Variants in SORBS2 observed in about 807,000 individuals in gnomAD.
SORBS2 encodes the protein sorbin and SH3 domain containing 2.
Under a neutral mutation model 97.7 loss-of-function variants are expected in SORBS2, and 46 were observed. That is an observed-to-expected ratio of 0.47 (90% CI 0.37 to 0.60). SORBS2 has a LOEUF of 0.60. Ranked by LOEUF, SORBS2 falls within the 20% of genes least tolerant of loss-of-function variation. The probability of loss-of-function intolerance (pLI) is 0.00; values close to 1 mark genes in which losing one functional copy is unlikely to be tolerated. For synonymous variants in SORBS2, 476 were observed against 473.4 expected (o/e 1.01, Z -0.07); for missense variants, 1,316 against 1,282.3 (o/e 1.03, Z -0.40).
Position 185,742,081 on chromosome 4 carries a change from T to C in SORBS2, c.-198+33146A>G, listed in dbSNP as rs537527684. Among the ~76,000 whole-genome samples the C allele has an allele frequency of 2.6e-5, 4 of 152,334 alleles. No homozygotes were observed. The East Asian group carries it at 7.7e-4, about 29-fold the overall frequency. On this transcript the variant is annotated intron_variant, in intron 2 of 20. Coordinates refer to the SORBS2 transcript ENST00000284776. Reference sequence around the variant, plus strand: ...CATTATTTCTGATTGGACTTGTCTCTCTGGCTTGTTTTCTCTGCTAATTCT... The same window carrying C: ...CATTATTTCTGATTGGACTTGTCTCCCTGGCTTGTTTTCTCTGCTAATTCT...
At chr4:185,589,467 C>T (rs953307739) in intron 14 of SORBS2, among the ~76,000 whole-genome samples, 1 of 152,162 alleles carries the variant, frequency 6.6e-6, no homozygotes, top group South Asian at 2.1e-4. Flanking sequence ...GGAAATAAAG[C>T]TCGCAGAAAA....
chr4:185,778,338 T>TC (rs1409069336), intron 1 of SORBS2, among the ~76,000 whole-genome samples: 2 of 152,076 alleles, frequency 1.3e-5, no homozygotes, highest in Non-Finnish European at 2.9e-5. Flanking sequence ...CCTAACAAAT[T>TC]CCCGGGTGAT....
At chr4:185,842,404 A>G (rs1404580538) in intron 1 of SORBS2, among the ~76,000 whole-genome samples, 1 of 152,210 alleles carries the variant, frequency 6.6e-6, no homozygotes, top group South Asian at 2.1e-4. Flanking sequence ...AGAGTTAACT[A>G]AAAGTCAGAG....
chr4:185,609,075 C>T (rs933261269), intron 12 of SORBS2, among the ~76,000 whole-genome samples: 1 of 151,668 alleles, frequency 6.6e-6, no homozygotes, highest in African/African-American at 2.4e-5. Context: ...ATACAGGATT[C>T]AGGACCTGGG....
At chr4:185,712,636 G>C (rs1452625600) in intron 2 of SORBS2, among the ~76,000 whole-genome samples, 1 of 152,218 alleles carries the variant, frequency 6.6e-6, no homozygotes, top group East Asian at 1.9e-4. Flanking sequence ...ACGCCCTCTG[G>C]GGCTTTGGGA....
At chr4:185,726,897 T>G (rs1287845784) in intron 2 of SORBS2, among the ~76,000 whole-genome samples, 2 of 152,188 alleles carry the variant, frequency 1.3e-5, no homozygotes, top group Non-Finnish European at 2.9e-5. Flanking sequence ...GGCATGCATC[T>G]TTAAATAGGA....
intron 2 of SORBS2, among the ~76,000 whole-genome samples, chr4:185,770,152 C>G (rs954830722): frequency 1.0e-3 from 158 of 151,488 alleles, no homozygotes; most frequent in African/African-American, 3.6e-3. Flanking sequence ...GATCTCGGCT[C>G]ACTGCAACCT....
intron 1 of SORBS2, among the ~76,000 whole-genome samples, chr4:185,889,141 A>G (rs1043862270): frequency 6.6e-6 from 1 of 152,042 alleles, no homozygotes; most frequent in Admixed American, 6.5e-5. Context: ...TTCCATTCCA[A>G]GGTTAAACTT....
intron 2 of SORBS2, among the ~76,000 whole-genome samples, chr4:185,727,408 T>G (rs2098563370): frequency 1.3e-5 from 2 of 152,202 alleles, no homozygotes; most frequent in African/African-American, 4.8e-5. Flanking sequence ...TTTCAATAAA[T>G]TTGGTAATTG....
intron 1 of SORBS2, among the ~76,000 whole-genome samples, chr4:185,940,943 T>C (rs975078272): frequency 2.6e-5 from 4 of 152,136 alleles, no homozygotes; most frequent in African/African-American, 9.7e-5. Context: ...TTTTTGGTGG[T>C]CGTTACTGGG....
At chr4:185,938,423 CACACACA>C (rs2099270178) in intron 1 of SORBS2, among the ~76,000 whole-genome samples, 1 of 151,578 alleles carries the variant, frequency 6.6e-6, no homozygotes, top group African/African-American at 2.4e-5. Context: ...CACACACACA[CACACACA>C]CCCTTTTATT....
chr4:185,597,424 T>TA (rs75530948), intron 12 of SORBS2, among the ~76,000 whole-genome samples: 12 of 151,024 alleles, frequency 7.9e-5, no homozygotes, highest in South Asian at 4.2e-4. Flanking sequence ...CTCGGTCACG[T>TA]AAAAAAAAAT....
At chr4:185,875,957 C>A (rs940302338) in intron 1 of SORBS2, among the ~76,000 whole-genome samples, 3 of 152,200 alleles carry the variant, frequency 2.0e-5, no homozygotes, top group African/African-American at 7.2e-5. Context: ...TAATCACCTT[C>A]CCCCTGACTC....
At chr4:185,793,334 T>C (rs1401755682) in intron 1 of SORBS2, among the ~76,000 whole-genome samples, 2 of 152,206 alleles carry the variant, frequency 1.3e-5, no homozygotes, top group Admixed American at 6.5e-5. Context: ...TAGAAAACAG[T>C]GAGCTCCCAC....
At chr4:185,794,553 C>A (rs2099096427) in intron 1 of SORBS2, among the ~76,000 whole-genome samples, 1 of 152,198 alleles carries the variant, frequency 6.6e-6, no homozygotes, top group East Asian at 1.9e-4. Flanking sequence ...TCCTGCTGAT[C>A]TCAGGGAATT....
exon 15 of SORBS2, chr4:185,585,905 AT>A (rs1383003728): frequency 3.9e-5 from 6 of 152,276 alleles, no homozygotes; most frequent in Admixed American, 1.3e-4. Context: ...TGTACATTTC[AT>A]TTGGCTTCTA....
intron 2 of SORBS2, among the ~76,000 whole-genome samples, chr4:185,755,051 C>T (rs185110633): frequency 6.6e-6 from 1 of 152,228 alleles, no homozygotes; most frequent in South Asian, 2.1e-4. Flanking sequence ...CTTTATATAC[C>T]TGAGAGATGT....
intron 1 of SORBS2, among the ~76,000 whole-genome samples, chr4:185,944,799 T>C (rs2099273759): frequency 6.6e-6 from 1 of 152,134 alleles, no homozygotes; most frequent in Non-Finnish European, 1.5e-5. Flanking sequence ...TTACGGTGTG[T>C]CCCACAATCA....
At chr4:185,663,977 C>T (rs2153477011) in intron 4 of SORBS2, among the ~76,000 whole-genome samples, 1 of 151,412 alleles carries the variant, frequency 6.6e-6, no homozygotes, top group South Asian at 2.1e-4. Context: ...GCCTCAGCCT[C>T]CCGAGTAGTT....
Sources: gnomAD v4.1 joint callset for allele counts (sites outside exome capture counted in the v4.1 genomes callset) on GRCh38, gnomAD v4.1.1 for gene constraint, MANE v1.5 for transcripts, NCBI Gene and HGNC (gene_info 2026-07-23, HGNC 2026-07-21) for gene names.